FAM120C: variants seen among roughly 807,000 people sequenced by gnomAD.
The protein encoded by FAM120C is constitutive coactivator of PPAR-gamma-like protein 2.
Under a neutral mutation model 71.2 loss-of-function variants are expected in FAM120C, and 14 were observed. The ratio of observed to expected loss-of-function variants is 0.20; its 90% CI spans 0.13 to 0.31. The LOEUF is 0.31. Among genes scored for constraint, FAM120C ranks in the 10% least tolerant of loss-of-function variants. The pLI, the probability that FAM120C is intolerant of heterozygous loss-of-function variation, is 1.00. For synonymous variants in FAM120C, 354 were observed against 353.2 expected (o/e 1.00, Z -0.03); for missense variants, 500 against 879.0 (o/e 0.57, Z 5.45).
chrX:54,149,346 T>C (rs968172233), intron 4 of FAM120C, among the ~76,000 whole-genome samples: 6 of 111,779 alleles, frequency 5.4e-5, no homozygotes, highest in African/African-American at 1.6e-4. Flanking sequence ...TCTCAAAATA[T>C]CACATACTGG....
At chrX:54,092,507 A>G (rs1428439707) in intron 10 of FAM120C, among the ~76,000 whole-genome samples, 2 of 110,597 alleles carry the variant, frequency 1.8e-5, no homozygotes, top group African/African-American at 3.3e-5. Flanking sequence ...ATTATGCCAC[A>G]GCACTCTAGC....
At position 54,135,557 on chromosome X, in the gene FAM120C, C is replaced by T. The variant is rs1557130406; in HGVS notation, c.1306G>A (p.Val436Met). The change falls in exon 6 of 16, where the codon GTG becomes ATG. Residue 436 changes from valine to methionine, a missense_variant. Coordinates refer to ENST00000375180, the MANE Select transcript of FAM120C (RefSeq NM_017848.6). ...LGNPPLPRNQ[V>M]GTISAGKPMF... Reference sequence around the variant, plus strand: ...GGCTTTCCAGCAGAAATGGTGCCCACTTGATTTCGTGGAAGGGGAGGATTT... The same window carrying T: ...GGCTTTCCAGCAGAAATGGTGCCCATTTGATTTCGTGGAAGGGGAGGATTT... The T allele has an allele frequency of 8.3e-7, 1 of 1,208,768 alleles. No individual in the cohort carries two copies. The highest frequency in any genetic ancestry group is 1.8e-5 in the African/African-American group (1 of 57,076).
At position 54,133,934 on chromosome X, in the gene FAM120C, C is replaced by A; in HGVS notation, c.1729G>T (p.Gly577Cys). The A allele has an allele frequency of 8.3e-7, 1 of 1,211,638 alleles. No homozygotes were observed. Among genetic ancestry groups the A allele is most frequent in the East Asian group, 3.0e-5 (1 of 33,850 alleles). Reference sequence around the variant, plus strand: ...AGCAGAGATGGGATGTGGGGCTCACCATCACCTAGGCTCGCTTCTGAAACT... The same window carrying A: ...AGCAGAGATGGGATGTGGGGCTCACAATCACCTAGGCTCGCTTCTGAAACT... Reference protein sequence around the residue: ...TGVSEASLGDGEPHIPSLLSM... With the variant: ...TGVSEASLGDCEPHIPSLLSM... Residue 577 changes from glycine (G) to cysteine (C), a missense_variant, in exon 8 of 16, where the codon GGT (glycine) becomes TGT (cysteine). Transcript: ENST00000375180.
chrX:54,141,031 A>G (rs1218649318), intron 4 of FAM120C, among the ~76,000 whole-genome samples: 1 of 111,946 alleles, frequency 8.9e-6, no homozygotes, highest in East Asian at 2.8e-4. Flanking sequence ...AAGAAGCTCT[A>G]AACAGTATAA....
Position 54,159,334 on chromosome X carries a change from T to C in FAM120C, c.946+36A>G, listed in dbSNP as rs782050268. ...ATCTCTTAACACCAGAAGAGGAAAC[T>C]ACCAATCACTGCAGTCTTTTCTTTG... On this transcript the variant is annotated intron_variant, in intron 2 of 15. Transcript: ENST00000375180. 6.6e-6 allele frequency: 8 copies of C among 1,207,544 alleles called. No individual in the cohort carries two copies. In the Admixed American group the frequency reaches 1.5e-4, roughly 23 times the overall value.
chrX:54,133,851 A>G lies in FAM120C; in HGVS notation c.1812T>C (p.Ala604=). 1 of 1,211,208 alleles carries G rather than the reference A, an allele frequency of 8.3e-7. No individual in the cohort carries two copies. Among genetic ancestry groups the G allele is most frequent in the Non-Finnish European group, 1.1e-6 (1 of 895,213 alleles). Residue 604 remains alanine (A), a synonymous_variant, in exon 8 of 16, where the codon GCT becomes GCC. Transcript: ENST00000375180. ...GTTCAGCAACTCTCAAGACTTCTGG[A>G]GCTACTGGAGGTAAGGGTGGAATGG... The part of the protein sequence containing the change: ...DITIPPLPPV[A]PEVLRVAEHR...
intron 10 of FAM120C, among the ~76,000 whole-genome samples, chrX:54,097,461 C>CGAGAGA (rs1278007092): frequency 1.2e-4 from 13 of 111,688 alleles, no homozygotes; most frequent in Admixed American, 1.1e-3. Context: ...AGAGGAAAAG[C>CGAGAGA]GAGAGAGCTA....
intron 9 of FAM120C, among the ~76,000 whole-genome samples, chrX:54,117,548 A>G (rs1557126830): frequency 1.9e-5 from 2 of 106,211 alleles, no homozygotes; most frequent in African/African-American, 6.9e-5. Flanking sequence ...AAAAAAAAAA[A>G]TTAGCCAGGC....
At chrX:54,092,408 G>T in intron 10 of FAM120C, among the ~76,000 whole-genome samples, 1 of 110,344 alleles carries the variant, frequency 9.1e-6, no homozygotes, top group Middle Eastern at 4.6e-3. Flanking sequence ...AGCCGGGTGT[G>T]GTGGCGGGCA....
chrX:54,170,670 GCTT>G (rs2067283054), intron 1 of FAM120C, among the ~76,000 whole-genome samples: 1 of 111,974 alleles, frequency 8.9e-6, no homozygotes, highest in Admixed American at 9.5e-5. Context: ...AAGTCACTTA[GCTT>G]CTTCATCTGT....
chrX:54,074,026 A>AT (rs1468927746), intron 15 of FAM120C, among the ~76,000 whole-genome samples: 1 of 110,232 alleles, frequency 9.1e-6, no homozygotes, highest in African/African-American at 3.3e-5. Context: ...GGGTTTCACC[A>AT]TGTTGGCCAC....
In FAM120C at chrX:54,080,286, A is replaced by AT; in HGVS notation, c.2981dup (p.His994GlnfsTer8). 1 of 1,205,607 alleles carries AT rather than the reference A, an allele frequency of 8.3e-7. No homozygotes were observed. Among genetic ancestry groups the AT allele is most frequent in the Non-Finnish European group, 1.1e-6 (1 of 890,972 alleles). On this transcript the variant is annotated frameshift_variant, in exon 15 of 16. Transcript: ENST00000375180. LOFTEE classifies it high-confidence loss of function. ...ATCCTCTACCAGTCTGTTCTTTTCCATGCCTTTAGCAAGTGAGAAAAAAAG... is the reference window on the plus strand; with the variant it reads ...ATCCTCTACCAGTCTGTTCTTTTCCATTGCCTTTAGCAAGTGAGAAAAAAAG...
chrX:54,152,021 A>C (rs2067186205), intron 3 of FAM120C, among the ~76,000 whole-genome samples: 1 of 99,161 alleles, frequency 1.0e-5, no homozygotes. Flanking sequence ...ATACCTAAAC[A>C]TTTTTTTTTT....
In FAM120C at chrX:54,152,087, G is replaced by A. The variant is rs1029263166; in HGVS notation, c.1030-714C>T. On this transcript the variant is annotated intron_variant, in intron 3 of 15. Transcript: ENST00000375180. ...GGCTGGAGTGTAGTGGTGCAATCTC[G>A]GCTCAATGCAACCTCTGCTTCCCGG... is the stretch of plus-strand genomic sequence containing the variant. Among the ~76,000 whole-genome samples the A allele has an allele frequency of 8.6e-4, 92 of 107,488 alleles. 1 individual carries two copies. The highest frequency in any genetic ancestry group is 3.0e-3 in the African/African-American group (89 of 29,310). 93.3% of individuals were successfully genotyped at this position (107,488 alleles called of 115,157 possible).
chrX:54,111,781 A>G (rs2066938647), intron 10 of FAM120C, among the ~76,000 whole-genome samples: 1 of 112,165 alleles, frequency 8.9e-6, no homozygotes, highest in Non-Finnish European at 1.9e-5. Flanking sequence ...ATTAGAAAAA[A>G]CAATCCTAAA....
intron 10 of FAM120C, among the ~76,000 whole-genome samples, chrX:54,109,515 C>T (rs1339057465): frequency 9.3e-6 from 1 of 107,912 alleles, no homozygotes; most frequent in Non-Finnish European, 1.9e-5. Context: ...CTTGGGAGGC[C>T]GAGGTGGGAG....
intron 10 of FAM120C, among the ~76,000 whole-genome samples, chrX:54,095,355 CTTTTTTT>C (rs10710810): frequency 4.9e-5 from 2 of 41,187 alleles, no homozygotes; most frequent in Non-Finnish European, 9.1e-5. Flanking sequence ...TACTCCACAT[CTTTTTTT>C]TTTTTTTTTT....
chrX:54,145,944 T>C (rs1227550376), intron 4 of FAM120C, among the ~76,000 whole-genome samples: 1 of 112,332 alleles, frequency 8.9e-6, no homozygotes, highest in Non-Finnish European at 1.9e-5. Flanking sequence ...TAAGAAAATG[T>C]GGCACATACA....
intron 11 of FAM120C, among the ~76,000 whole-genome samples, chrX:54,089,959 T>TG (rs1288644951): frequency 9.2e-6 from 1 of 108,261 alleles, no homozygotes; most frequent in East Asian, 2.9e-4. Context: ...AACTCCATCT[T>TG]GAAAAAAAAA....
Sources: allele counts gnomAD v4.1 joint callset (sites outside exome capture counted in the v4.1 genomes callset), GRCh38; gene constraint gnomAD v4.1.1; transcripts MANE v1.5; gene names NCBI Gene and HGNC (gene_info 2026-07-23, HGNC 2026-07-21).